Variants in AGFG1 observed in about 807,000 individuals in gnomAD.
AGFG1 encodes arf-GAP domain and FG repeat-containing protein 1.
Under a neutral mutation model 60.6 loss-of-function variants are expected in AGFG1, and 10 were observed. The observed-to-expected ratio is 0.16, with a 90% CI of 0.10 to 0.28. The LOEUF (loss-of-function observed/expected upper bound fraction) is 0.28. Among genes scored for constraint, AGFG1 ranks in the 10% least tolerant of loss-of-function variants. The probability of loss-of-function intolerance (pLI) is 1.00; values close to 1 mark genes in which losing one functional copy is unlikely to be tolerated. For synonymous variants in AGFG1, 247 were observed against 242.9 expected (o/e 1.02, Z -0.16); for missense variants, 537 against 676.5 (o/e 0.79, Z 2.29).
chr2:227,478,288 T>C (rs1381609680), intron 1 of AGFG1, among the ~76,000 whole-genome samples: 1 of 151,004 alleles, frequency 6.6e-6, no homozygotes, highest in African/African-American at 2.4e-5. Context: ...ATGTATCTAT[T>C]ATATATACAT....
chr2:227,516,097 A>G (rs1691642986), intron 2 of AGFG1, among the ~76,000 whole-genome samples: 1 of 152,222 alleles, frequency 6.6e-6, no homozygotes, highest in Non-Finnish European at 1.5e-5. Flanking sequence ...TACAGAGGCA[A>G]GGAAAGATGA....
Position 227,559,940 on chromosome 2 carries a change from T to C in AGFG1, c.*5445T>C, listed in dbSNP as rs1169678725. On this transcript the variant is annotated 3_prime_UTR_variant, in exon 13 of 13. Coordinates refer to ENST00000310078, the MANE Select transcript of AGFG1 (RefSeq NM_004504.5). ...ATATATGCTTATGATTTCTAAAAAT[T>C]ATGCAGTATACACAAAGGGCATAAA... 6.6e-6 allele frequency: 1 copy of C among 152,168 alleles called. No homozygotes were observed. Among genetic ancestry groups the C allele is most frequent in the African/African-American group, 2.4e-5 (1 of 41,442 alleles). The allele number at this position is 152,168 out of a possible 1,614,324, so 9.4% of individuals were successfully genotyped here.
chr2:227,554,390 G>C (rs1224004446), intron 12 of AGFG1, 46 bp from the exon 13 acceptor site: 1 of 1,456,460 alleles, frequency 6.9e-7, no homozygotes, highest in East Asian at 2.3e-5. Context: ...TTTTGTACAT[G>C]CACTACTTTT....
At chr2:227,498,247 C>A (rs1691044079) in intron 2 of AGFG1, among the ~76,000 whole-genome samples, 1 of 152,034 alleles carries the variant, frequency 6.6e-6, no homozygotes, top group Non-Finnish European at 1.5e-5. Flanking sequence ...AAATAAGTAT[C>A]ACATAGGAAC....
chr2:227,523,644 G>A, intron 3 of AGFG1, 119 bp from the exon 4 acceptor site: 1 of 945,360 alleles, frequency 1.1e-6, no homozygotes, highest in Non-Finnish European at 1.6e-6. Flanking sequence ...TGTGTGAGAG[G>A]GTTTTCAGAT....
At chr2:227,510,775 G>C (rs532404999) in intron 2 of AGFG1, 1 of 152,352 alleles carries the variant, frequency 6.6e-6, no homozygotes, top group Admixed American at 6.5e-5. Context: ...GTATGGGTAT[G>C]TGAGCTGTGT....
chr2:227,536,051 G>A (rs141240547), intron 8 of AGFG1, among the ~76,000 whole-genome samples: 1,819 of 152,000 alleles, frequency 0.012, 27 homozygotes, highest in African/African-American at 0.022. Flanking sequence ...TTAAGTTCTA[G>A]GGTACATGTG....
rs186994843 is a variant in AGFG1 at position 227,501,548 on chromosome 2, C to T, written c.261+9908C>T. 7.9e-5 allele frequency among the ~76,000 whole-genome samples: 12 copies of T among 152,286 alleles called. No individual in the cohort carries two copies. The East Asian group carries it at 2.3e-3, about 29-fold the overall frequency. On this transcript the variant is annotated intron_variant, in intron 2 of 12. Transcript: ENST00000310078. ...ACAAATATACACATAAACATCATTA[C>T]AGACAGTCACTGGACACTTCTTCCT... is the stretch of plus-strand genomic sequence containing the variant.
rs73083451 is a variant in AGFG1, at chr2:227,530,392, A to G, written c.695-699A>G. Among the ~76,000 whole-genome samples, 950 of 152,282 alleles carry G rather than the reference A, an allele frequency of 6.2e-3. 11 individuals are homozygous for G. The highest frequency in any genetic ancestry group is 0.021 in the African/African-American group (886 of 41,562). On this transcript the variant is annotated intron_variant, in intron 5 of 12. Transcript: ENST00000310078. The stretch of plus-strand genomic sequence containing the variant: ...GATCAGTACCTAGAAGTAAAAATGG[A>G]TACAAGTACTACAAAGTCCTGTCTT...
At chr2:227,496,209 T>G (rs1690971051) in intron 2 of AGFG1, among the ~76,000 whole-genome samples, 1 of 152,020 alleles carries the variant, frequency 6.6e-6, no homozygotes, top group Non-Finnish European at 1.5e-5. Context: ...TGCCAGTATT[T>G]GATTATCTCT....
intron 5 of AGFG1, 67 bp from the exon 6 acceptor site, chr2:227,531,024 A>G: frequency 7.2e-7 from 1 of 1,381,010 alleles, no homozygotes; most frequent in South Asian, 1.5e-5. Context: ...TCTTAAACTC[A>G]TGTGTCATGT....
intron 1 of AGFG1, among the ~76,000 whole-genome samples, chr2:227,478,804 GAA>G (rs1690367284): frequency 6.6e-6 from 1 of 152,082 alleles, no homozygotes. Flanking sequence ...TTTGAATGCT[GAA>G]TTCTTCTAGA....
At chr2:227,513,976 A>G (rs1691575499) in intron 2 of AGFG1, among the ~76,000 whole-genome samples, 2 of 152,198 alleles carry the variant, frequency 1.3e-5, no homozygotes, top group Admixed American at 1.3e-4. Flanking sequence ...TTCTACTACT[A>G]GGCAGTTTGG....
At chr2:227,502,166 CCTT>C (rs1269979957) in intron 2 of AGFG1, among the ~76,000 whole-genome samples, 4 of 151,660 alleles carry the variant, frequency 2.6e-5, no homozygotes, top group African/African-American at 7.3e-5. Context: ...CCAAAGTAAA[CCTT>C]CTTTTGAGAG....
chr2:227,501,462 T>C (rs1302802649), intron 2 of AGFG1, among the ~76,000 whole-genome samples: 1 of 152,258 alleles, frequency 6.6e-6, no homozygotes, highest in Non-Finnish European at 1.5e-5. Flanking sequence ...CTTAAGAATC[T>C]TAAGTGTACT....
chr2:227,536,100 A>G (rs1692301918), intron 8 of AGFG1, among the ~76,000 whole-genome samples: 1 of 151,952 alleles, frequency 6.6e-6, no homozygotes, highest in Non-Finnish European at 1.5e-5. Context: ...TACATGTGCC[A>G]TGTTGGTTTG....
At chr2:227,485,825 A>T (rs1267468256) in intron 1 of AGFG1, among the ~76,000 whole-genome samples, 1 of 151,974 alleles carries the variant, frequency 6.6e-6, no homozygotes, top group Non-Finnish European at 1.5e-5. Context: ...TCCATCTTTC[A>T]TTTAATGTTT....
At chr2:227,517,416 C>T (rs1691686315) in intron 2 of AGFG1, among the ~76,000 whole-genome samples, 1 of 152,160 alleles carries the variant, frequency 6.6e-6, no homozygotes, top group Admixed American at 6.5e-5. Context: ...CAGGCATGCG[C>T]CACCATGCCC....
chr2:227,520,227 T>A (rs1282104656), intron 3 of AGFG1, among the ~76,000 whole-genome samples, 164 bp downstream of exon 3: 1 of 152,186 alleles, frequency 6.6e-6, no homozygotes, highest in Non-Finnish European at 1.5e-5. Context: ...TCTGAAAACC[T>A]TTACTTCTAC....
Sources: allele counts gnomAD v4.1 joint callset (sites outside exome capture counted in the v4.1 genomes callset), GRCh38; gene constraint gnomAD v4.1.1; transcripts MANE v1.5; gene names NCBI Gene and HGNC (gene_info 2026-07-23, HGNC 2026-07-21).